Variants in CFAP95 observed in about 807,000 individuals in gnomAD.
CFAP95 encodes the protein cilia and flagella associated protein 95, also known as cilia- and flagella-associated protein 95.
the CFAP95 span, among the ~76,000 whole-genome samples, chr9:69,836,926 T>G: frequency 1.0e-4 from 13 of 127,556 alleles, no homozygotes; most frequent in African/African-American, 2.7e-4. Flanking sequence ...TTCCCCTTCC[T>G]GTGTCCATGT....
the CFAP95 span, among the ~76,000 whole-genome samples, chr9:69,875,913 A>C: frequency 6.6e-6 from 1 of 152,222 alleles, no homozygotes; most frequent in African/African-American, 2.4e-5. Context: ...ACTATTACAA[A>C]TAAGGCCACA....
At chr9:69,843,522 C>T in the CFAP95 span, among the ~76,000 whole-genome samples, 1 of 13,344 alleles carries the variant, frequency 7.5e-5, no homozygotes, top group Non-Finnish European at 1.6e-4. Flanking sequence ...CCTCCTCCTC[C>T]TCCTCCTCCT....
the CFAP95 span, among the ~76,000 whole-genome samples, chr9:69,849,852 C>T: frequency 2.0e-5 from 3 of 152,188 alleles, no homozygotes; most frequent in Non-Finnish European, 4.4e-5. Flanking sequence ...CCCTGATTGT[C>T]TTATTCTAAG....
chr9:69,900,667 T>C, the CFAP95 span, among the ~76,000 whole-genome samples: 1 of 152,188 alleles, frequency 6.6e-6, no homozygotes, highest in Non-Finnish European at 1.5e-5. Context: ...TGGTCGGCTC[T>C]GCAGCCCCTG....
At chr9:69,834,520 G>A in the CFAP95 span, among the ~76,000 whole-genome samples, 1 of 152,232 alleles carries the variant, frequency 6.6e-6, no homozygotes, top group Non-Finnish European at 1.5e-5. Flanking sequence ...GTGTTTGGCA[G>A]TTAATCAGAC....
chr9:69,901,977 T>C, the CFAP95 span, among the ~76,000 whole-genome samples: 1 of 152,328 alleles, frequency 6.6e-6, no homozygotes, highest in Non-Finnish European at 1.5e-5. Context: ...TATGGCTGCA[T>C]AAATGTCTTC....
At chr9:69,863,372 C>A in the CFAP95 span, among the ~76,000 whole-genome samples, 1 of 152,108 alleles carries the variant, frequency 6.6e-6, no homozygotes, top group Admixed American at 6.6e-5. Context: ...TAACGAGAGG[C>A]ACATTTCCTT....
At chr9:69,859,623 G>A in the CFAP95 span, among the ~76,000 whole-genome samples, 2 of 152,280 alleles carry the variant, frequency 1.3e-5, no homozygotes, top group South Asian at 2.1e-4. Context: ...ATTCCCTGGA[G>A]GAATCTAGGT....
the CFAP95 span, among the ~76,000 whole-genome samples, chr9:69,829,082 G>C: frequency 2.0e-5 from 3 of 152,010 alleles, no homozygotes; most frequent in African/African-American, 7.3e-5. Flanking sequence ...ACATTCATTT[G>C]GTTTAACCAC....
At chr9:69,860,803 C>G in the CFAP95 span, among the ~76,000 whole-genome samples, 1 of 152,090 alleles carries the variant, frequency 6.6e-6, no homozygotes, top group African/African-American at 2.4e-5. Context: ...TAGGCCTACA[C>G]AGGGTCCGGA....
At chr9:69,889,780 T>C in the CFAP95 span, among the ~76,000 whole-genome samples, 1 of 152,164 alleles carries the variant, frequency 6.6e-6, no homozygotes, top group Admixed American at 6.5e-5. Flanking sequence ...ATTAATCAAG[T>C]ATGTTATAGT....
chr9:69,903,935 G>T, the CFAP95 span, among the ~76,000 whole-genome samples: 1 of 152,048 alleles, frequency 6.6e-6, no homozygotes, highest in African/African-American at 2.4e-5. Flanking sequence ...TGTTGCCCAG[G>T]CTGGTCTCAA....
At chr9:69,872,557 A>T in the CFAP95 span, among the ~76,000 whole-genome samples, 120 of 152,310 alleles carry the variant, frequency 7.9e-4, no homozygotes, top group African/African-American at 2.8e-3. Flanking sequence ...AGGGGAGAAC[A>T]TCTTGCAAAG....
chr9:69,902,148 G>A, the CFAP95 span: 4 of 334,824 alleles, frequency 1.2e-5, no homozygotes, highest in African/African-American at 8.8e-5. Context: ...AGGTCAAAGG[G>A]ACTTTGCCTG....
At chr9:69,888,012 A>G in the CFAP95 span, among the ~76,000 whole-genome samples, 7 of 152,364 alleles carry the variant, frequency 4.6e-5, no homozygotes, top group African/African-American at 1.4e-4. Flanking sequence ...TTGTTTTAAA[A>G]TATGAACCAA....
At chr9:69,826,476 G>A in the CFAP95 span, among the ~76,000 whole-genome samples, 2 of 151,982 alleles carry the variant, frequency 1.3e-5, no homozygotes, top group South Asian at 2.1e-4. Context: ...ACACACATTC[G>A]AGAACTACGA....
chr9:69,829,825 G>C, the CFAP95 span, among the ~76,000 whole-genome samples: 1 of 152,164 alleles, frequency 6.6e-6, no homozygotes, highest in South Asian at 2.1e-4. Context: ...TGTGGCACTA[G>C]AACTAGTATT....
the CFAP95 span, among the ~76,000 whole-genome samples, chr9:69,841,899 T>C: frequency 6.6e-6 from 1 of 152,070 alleles, no homozygotes; most frequent in African/African-American, 2.4e-5. Flanking sequence ...TCCCACAGGG[T>C]GTCTCCCATG....
chr9:69,869,383 TACGTGGAATCTAAA>T, the CFAP95 span, among the ~76,000 whole-genome samples: 1 of 152,176 alleles, frequency 6.6e-6, no homozygotes, highest in African/African-American at 2.4e-5. Flanking sequence ...ATCTCACTTC[TACGTGGAATCTAAA>T]ACATTGAATT....
Sources: gnomAD v4.1 joint callset for allele counts (sites outside exome capture counted in the v4.1 genomes callset) on GRCh38, gnomAD v4.1.1 for gene constraint, MANE v1.5 for transcripts, NCBI Gene and HGNC (gene_info 2026-07-23, HGNC 2026-07-21) for gene names.